Variants in LYPD6B observed in about 807,000 individuals in gnomAD.
LYPD6B encodes LY6/PLAUR domain containing 6B, also known as ly6/PLAUR domain-containing protein 6B.
LYPD6B carries 17 observed loss-of-function variants against 22.8 expected under a neutral mutation model. The observed-to-expected ratio is 0.75, with a 90% confidence interval of 0.51 to 1.12. The LOEUF (loss-of-function observed/expected upper bound fraction) is 1.12, where lower values mean the gene tolerates loss of function less well. LYPD6B is among the 50% of genes most tolerant of loss of function. The pLI, the probability that LYPD6B is intolerant of heterozygous loss-of-function variation, is 0.00. For missense variants in LYPD6B, 221 were observed against 258.3 expected (o/e 0.86, Z 0.99); for synonymous variants, 106 against 91.6 (o/e 1.16, Z -0.90).
intron 2 of LYPD6B, among the ~76,000 whole-genome samples, chr2:149,137,252 GC>G (rs1467370746): frequency 6.6e-6 from 1 of 152,152 alleles, no homozygotes; most frequent in African/African-American, 2.4e-5. Context: ...ATATATCAAA[GC>G]CATGATTGAA....
At chr2:149,108,280 C>G (rs964014929) in intron 1 of LYPD6B, among the ~76,000 whole-genome samples, 2 of 152,190 alleles carry the variant, frequency 1.3e-5, no homozygotes, top group Non-Finnish European at 2.9e-5. Flanking sequence ...CATTAAACCT[C>G]TTTCTTTTGT....
intron 1 of LYPD6B, among the ~76,000 whole-genome samples, chr2:149,084,035 G>C (rs1006414560): frequency 6.6e-6 from 1 of 152,104 alleles, no homozygotes; most frequent in Non-Finnish European, 1.5e-5. Flanking sequence ...GGAGGCAGAG[G>C]TTGCAGTGAG....
At chr2:149,183,935 G>A (rs773221295) in intron 3 of LYPD6B, among the ~76,000 whole-genome samples, 2 of 152,078 alleles carry the variant, frequency 1.3e-5, no homozygotes, top group African/African-American at 2.4e-5. Flanking sequence ...GCTCATGCCT[G>A]TAATTGCAGC....
At chr2:149,082,697 G>C (rs1326919924) in intron 1 of LYPD6B, among the ~76,000 whole-genome samples, 1 of 152,158 alleles carries the variant, frequency 6.6e-6, no homozygotes, top group Non-Finnish European at 1.5e-5. Context: ...AATGGTGTCT[G>C]GCATGTAATG....
At position 149,157,894 on chromosome 2, in the gene LYPD6B, T is replaced by C. The variant is rs142442199; in HGVS notation, c.6-2870T>C. On this transcript the variant is annotated intron_variant, in intron 2 of 6. Coordinates refer to ENST00000409642, the MANE Select transcript of LYPD6B (RefSeq NM_177964.5). The stretch of plus-strand genomic sequence containing the variant: ...TCAGGTTACTGCAGTATCTGACTTC[T>C]TGACATCAGCTTTTTGACAGAAGCT... 4.7e-3 allele frequency among the ~76,000 whole-genome samples: 717 copies of C among 152,324 alleles called. 6 individuals are homozygous for C. Among genetic ancestry groups the C allele is most frequent in the African/African-American group, 0.016 (659 of 41,584 alleles).
chr2:149,171,449 T>C (rs1690813697), intron 3 of LYPD6B, among the ~76,000 whole-genome samples: 1 of 152,106 alleles, frequency 6.6e-6, no homozygotes, highest in Non-Finnish European at 1.5e-5. Context: ...AAATTCCCCT[T>C]CCCTTTCAAT....
intron 1 of LYPD6B, among the ~76,000 whole-genome samples, chr2:149,120,197 T>G (rs1438380003): frequency 6.6e-6 from 1 of 151,404 alleles, no homozygotes; most frequent in East Asian, 1.9e-4. Context: ...TAAGGATATT[T>G]TAGAAGAGAA....
chr2:149,169,208 C>T (rs989477263), intron 3 of LYPD6B, among the ~76,000 whole-genome samples: 4 of 152,182 alleles, frequency 2.6e-5, no homozygotes, highest in Admixed American at 2.0e-4. Flanking sequence ...CTGTCTCTCA[C>T]CTGTCCATCT....
intron 2 of LYPD6B, among the ~76,000 whole-genome samples, chr2:149,139,735 T>C (rs1688576164): frequency 6.6e-6 from 1 of 152,102 alleles, no homozygotes; most frequent in African/African-American, 2.4e-5. Flanking sequence ...ATGAAATAAA[T>C]TGGATGATTA....
chr2:149,108,055 G>T (rs1478547631), intron 1 of LYPD6B, among the ~76,000 whole-genome samples: 1 of 152,122 alleles, frequency 6.6e-6, no homozygotes, highest in Non-Finnish European at 1.5e-5. Flanking sequence ...GTTGTGAGAG[G>T]GACCCTGTGG....
chr2:149,121,341 G>A (rs1008056907), intron 1 of LYPD6B, among the ~76,000 whole-genome samples: 1 of 152,096 alleles, frequency 6.6e-6, no homozygotes, highest in Non-Finnish European at 1.5e-5. Context: ...TCATCTTAAT[G>A]GGTTTGCTTC....
At position 149,130,941 on chromosome 2, in the gene LYPD6B, T is replaced by C. The variant is rs375955259; in HGVS notation, c.-8T>C. ...TCCTGGACTAGGCTGCTCTTGTTAA[T>C]CACATGGATGTTGTGAGTATTATAT... On this transcript the variant is annotated 5_prime_UTR_variant, in exon 2 of 7. Coordinates refer to ENST00000409642, the MANE Select transcript of LYPD6B (RefSeq NM_177964.5). 6.2e-7 allele frequency: 1 copy of C among 1,603,258 alleles called. No homozygotes were observed. The highest frequency in any genetic ancestry group is 8.5e-7 in the Non-Finnish European group (1 of 1,170,316).
chr2:149,195,004 G>A (rs1234353416), intron 3 of LYPD6B, among the ~76,000 whole-genome samples: 1 of 151,932 alleles, frequency 6.6e-6, no homozygotes, highest in African/African-American at 2.4e-5. Context: ...TTTCCACGTG[G>A]GTAACTTAAA....
At chr2:149,162,088 G>A (rs1483467290) in intron 3 of LYPD6B, among the ~76,000 whole-genome samples, 1 of 152,094 alleles carries the variant, frequency 6.6e-6, no homozygotes, top group Non-Finnish European at 1.5e-5. Flanking sequence ...GGGAACATTG[G>A]GTCATTTTCC....
chr2:149,132,915 A>G (rs1033288697), intron 2 of LYPD6B, among the ~76,000 whole-genome samples: 7 of 152,184 alleles, frequency 4.6e-5, no homozygotes, highest in Admixed American at 4.6e-4. Context: ...TCTATGGTGC[A>G]TTTCATTGTA....
At chr2:149,152,994 CT>C (rs1689469373) in intron 2 of LYPD6B, among the ~76,000 whole-genome samples, 1 of 152,140 alleles carries the variant, frequency 6.6e-6, no homozygotes, top group South Asian at 2.1e-4. Context: ...ACTAAGTCCC[CT>C]AATGGAGCAG....
At chr2:149,149,683 G>A (rs548096239) in intron 2 of LYPD6B, among the ~76,000 whole-genome samples, 4 of 152,118 alleles carry the variant, frequency 2.6e-5, no homozygotes, top group African/African-American at 7.2e-5. Context: ...CACCCTCCCC[G>A]ACCCTGCTTC....
intron 2 of LYPD6B, among the ~76,000 whole-genome samples, chr2:149,134,330 T>C (rs907504037): frequency 2.0e-5 from 3 of 152,216 alleles, no homozygotes; most frequent in Non-Finnish European, 4.4e-5. Flanking sequence ...TATGCCTAGA[T>C]TGTACTTTAT....
chr2:149,062,153 A>G (rs1000018741), intron 1 of LYPD6B, among the ~76,000 whole-genome samples: 1 of 151,876 alleles, frequency 6.6e-6, no homozygotes, highest in Non-Finnish European at 1.5e-5. Flanking sequence ...ACGCCAGGCT[A>G]ATTTTGTATT....
Sources: gnomAD v4.1 joint callset for allele counts (sites outside exome capture counted in the v4.1 genomes callset) on GRCh38, gnomAD v4.1.1 for gene constraint, MANE v1.5 for transcripts, NCBI Gene and HGNC (gene_info 2026-07-23, HGNC 2026-07-21) for gene names.